The following THSD7B variants were observed in gnomAD, a reference collection of about 807,000 sequenced individuals.
The protein encoded by THSD7B is thrombospondin type 1 domain containing 7B.
A neutral mutation model predicts 213.6 loss-of-function variants in THSD7B; 138 were observed. The observed-to-expected ratio is 0.65, with a 90% confidence interval of 0.56 to 0.74. The LOEUF is 0.74. THSD7B is among the 30% of genes least tolerant of loss of function. The pLI, the probability that THSD7B is intolerant of heterozygous loss-of-function variation, is 0.00. For missense variants in THSD7B, 1,931 were observed against 1,991.5 expected, an observed-to-expected ratio of 0.97 and a Z score of 0.58; for synonymous variants, 742 against 687.0, an observed-to-expected ratio of 1.08 and a Z score of -1.25.
chr2:137,231,911 A>G (rs1282996513), intron 8 of THSD7B, among the ~76,000 whole-genome samples: 2 of 152,178 alleles, frequency 1.3e-5, no homozygotes, highest in African/African-American at 4.8e-5. Flanking sequence ...CTCAGTTAGA[A>G]CAGCAGGACA....
chr2:137,267,668 G>A (rs372617129), intron 10 of THSD7B, among the ~76,000 whole-genome samples: 133 of 152,064 alleles, frequency 8.7e-4, no homozygotes, highest in African/African-American at 3.1e-3. Flanking sequence ...TTTCTTATCT[G>A]TAAAATGGGA....
chr2:137,368,162 G>A (rs1685462981), intron 12 of THSD7B, among the ~76,000 whole-genome samples: 1 of 151,900 alleles, frequency 6.6e-6, no homozygotes, highest in African/African-American at 2.4e-5. Flanking sequence ...TTCTGTCCCT[G>A]TAATTGAAAG....
At chr2:137,184,112 T>C (rs945630435) in intron 7 of THSD7B, among the ~76,000 whole-genome samples, 1 of 152,166 alleles carries the variant, frequency 6.6e-6, no homozygotes, top group East Asian at 1.9e-4. Context: ...ATAGCCAGGT[T>C]CAGTGTGTCT....
chr2:137,160,500 C>T (rs764166325), intron 6 of THSD7B, 132 bp downstream of exon 6: 94 of 1,214,090 alleles, frequency 7.7e-5, no homozygotes, highest in East Asian at 1.8e-4. Flanking sequence ...TCAAGCCTAA[C>T]GGTATTCAGT....
intron 2 of THSD7B, among the ~76,000 whole-genome samples, chr2:136,988,768 G>C (rs111389658): frequency 7.2e-5 from 11 of 152,268 alleles, no homozygotes; most frequent in African/African-American, 2.6e-4. Flanking sequence ...AAAAAATCAA[G>C]TCTGTCATTT....
chr2:137,506,102 GAGT>G (rs1679827699), intron 15 of THSD7B, among the ~76,000 whole-genome samples: 1 of 152,132 alleles, frequency 6.6e-6, no homozygotes, highest in Non-Finnish European at 1.5e-5. Context: ...GAGGGCGGCT[GAGT>G]GGGAGACAGG....
At chr2:137,451,388 A>G (rs1019770450) in intron 15 of THSD7B, among the ~76,000 whole-genome samples, 22 of 151,812 alleles carry the variant, frequency 1.4e-4, no homozygotes, top group Non-Finnish European at 2.9e-4. Context: ...TAATGTTGGG[A>G]GAGTATCACT....
chr2:137,004,816 T>C (rs1686071899), intron 2 of THSD7B, among the ~76,000 whole-genome samples: 1 of 152,212 alleles, frequency 6.6e-6, no homozygotes, highest in Non-Finnish European at 1.5e-5. Context: ...TTTGTAGTGC[T>C]TTGAAATATA....
chr2:137,590,118 C>A (rs766004251), intron 17 of THSD7B, among the ~76,000 whole-genome samples: 4 of 152,116 alleles, frequency 2.6e-5, no homozygotes, highest in African/African-American at 4.8e-5. Flanking sequence ...TTCTCCCTTC[C>A]TTTTACTCCA....
chr2:137,113,608 G>T (rs1378313697), intron 4 of THSD7B, among the ~76,000 whole-genome samples: 1 of 151,914 alleles, frequency 6.6e-6, no homozygotes, highest in African/African-American at 2.4e-5. Flanking sequence ...GGCTAATTTG[G>T]GATTTTTAGT....
intron 2 of THSD7B, among the ~76,000 whole-genome samples, chr2:136,953,896 A>C (rs947690380): frequency 2.6e-5 from 4 of 152,170 alleles, no homozygotes; most frequent in Non-Finnish European, 5.9e-5. Context: ...GTTCAAATTA[A>C]AGAGATGTAA....
intron 12 of THSD7B, among the ~76,000 whole-genome samples, chr2:137,362,812 T>C (rs569298366): frequency 1.3e-5 from 2 of 152,226 alleles, no homozygotes; most frequent in South Asian, 4.1e-4. Flanking sequence ...CCACTGTCAA[T>C]AGTAGACAGA....
chr2:136,998,140 A>C (rs1211699865), intron 2 of THSD7B, among the ~76,000 whole-genome samples: 2 of 151,638 alleles, frequency 1.3e-5, no homozygotes, highest in East Asian at 3.9e-4. Flanking sequence ...GCTTTTTGCT[A>C]CTCTTAGGAT....
intron 12 of THSD7B, among the ~76,000 whole-genome samples, chr2:137,395,907 G>A (rs1286467984): frequency 7.3e-5 from 11 of 150,826 alleles, no homozygotes; most frequent in African/African-American, 1.9e-4. Flanking sequence ...TGTATGTGTC[G>A]AAGAATTTAT....
intron 12 of THSD7B, among the ~76,000 whole-genome samples, chr2:137,355,677 A>G (rs531186877): frequency 1.2e-4 from 18 of 152,278 alleles, no homozygotes; most frequent in African/African-American, 4.1e-4. Context: ...CACACCATTT[A>G]CTTTTCTAAT....
chr2:136,769,113 G>A (rs938971194), intron 1 of THSD7B, among the ~76,000 whole-genome samples: 6 of 152,134 alleles, frequency 3.9e-5, no homozygotes, highest in Admixed American at 1.3e-4. Flanking sequence ...TTTTGTGGAC[G>A]TTTTAGTAGG....
intron 2 of THSD7B, among the ~76,000 whole-genome samples, chr2:136,970,374 A>G (rs1272910415): frequency 1.3e-5 from 2 of 152,102 alleles, no homozygotes; most frequent in Non-Finnish European, 2.9e-5. Flanking sequence ...GTTGAGGCAC[A>G]AGAATCACTT....
chr2:136,995,197 G>T (rs952194609), intron 2 of THSD7B, among the ~76,000 whole-genome samples: 1 of 152,140 alleles, frequency 6.6e-6, no homozygotes, highest in Non-Finnish European at 1.5e-5. Flanking sequence ...AATTCTAGTG[G>T]GGTCTGTGAC....
chr2:137,284,767 G>C (rs1170551776), intron 12 of THSD7B, among the ~76,000 whole-genome samples: 2 of 152,160 alleles, frequency 1.3e-5, no homozygotes, highest in African/African-American at 2.4e-5. Flanking sequence ...CTGAGAGATA[G>C]TTTGTTAGAA....
Sources: allele counts gnomAD v4.1 joint callset (sites outside exome capture counted in the v4.1 genomes callset), GRCh38; gene constraint gnomAD v4.1.1; transcripts MANE v1.5; gene names NCBI Gene and HGNC (gene_info 2026-07-23, HGNC 2026-07-21).